The following IHO1 variants were observed in gnomAD, a reference collection of about 807,000 sequenced individuals.
IHO1 encodes interactor of HORMAD1 1.
In IHO1, 13 loss-of-function variants were observed where a neutral mutation model predicts 31.0. That is an observed-to-expected ratio of 0.42 (90% CI 0.27 to 0.67). IHO1 has a LOEUF of 0.67. Among genes scored for constraint, IHO1 ranks in the 30% least tolerant of loss-of-function variants. The pLI is 0.24. For synonymous variants in IHO1, 221 were observed against 248.4 expected, an observed-to-expected ratio of 0.89 and a Z score of 1.04; for missense variants, 599 against 687.5, an observed-to-expected ratio of 0.87 and a Z score of 1.44.
intron 2 of IHO1, chr3:49,228,214 C>T (rs1365073095): frequency 1.6e-5 from 6 of 372,314 alleles, no homozygotes; most frequent in Non-Finnish European, 2.1e-5. Flanking sequence ...GCAGGGTCAA[C>T]CAACTTGTTG....
At chr3:49,218,102 T>C (rs1303783838) in intron 2 of IHO1, among the ~76,000 whole-genome samples, 3 of 152,308 alleles carry the variant, frequency 2.0e-5, no homozygotes, top group Non-Finnish European at 2.9e-5. Flanking sequence ...CTCTCCGCCC[T>C]GCTGTCTTGG....
chr3:49,212,316 C>T (rs1465893364), intron 2 of IHO1, among the ~76,000 whole-genome samples: 1 of 149,794 alleles, frequency 6.7e-6, no homozygotes, highest in Admixed American at 6.7e-5. Flanking sequence ...TCACGACTAG[C>T]TTGGCCAACG....
chr3:49,230,750 A>G (rs896701752), intron 2 of IHO1, among the ~76,000 whole-genome samples: 12 of 152,182 alleles, frequency 7.9e-5, no homozygotes, highest in African/African-American at 2.9e-4. Context: ...TGACACTACT[A>G]TTGTGCCACA....
chr3:49,206,065 G>A (rs1349239880), intron 1 of IHO1, among the ~76,000 whole-genome samples: 2 of 152,008 alleles, frequency 1.3e-5, no homozygotes, highest in Non-Finnish European at 2.9e-5. Context: ...CTGGGTTCGC[G>A]CCATTCTCCT....
the IHO1 span, chr3:49,191,590 G>A: frequency 1.2e-6 from 1 of 802,384 alleles, no homozygotes; most frequent in Non-Finnish European, 2.2e-6. Flanking sequence ...CTCCAGGGGT[G>A]ACCTCAAGAT....
chr3:49,257,424 C>A lies in IHO1; in HGVS notation c.*142C>A. 1.3e-6 allele frequency: 1 copy of A among 780,364 alleles called. No homozygotes were observed. Among genetic ancestry groups the A allele is most frequent in the Non-Finnish European group, 2.1e-6 (1 of 476,368 alleles). 48.3% of individuals were successfully genotyped at this position (780,364 alleles called of 1,614,324 possible). On this transcript the variant is annotated 3_prime_UTR_variant, in exon 8 of 8. Transcript: ENST00000452691. Reference sequence around the variant, plus strand: ...TGAGGTGGGGCAATGAGCACGAGGGCAGGGAAGGTCCAGCATTCTGGGTAC... The same window carrying A: ...TGAGGTGGGGCAATGAGCACGAGGGAAGGGAAGGTCCAGCATTCTGGGTAC...
At chr3:49,255,555 A>T in intron 7 of IHO1, 62 bp downstream of exon 7, 2 of 929,706 alleles carry the variant, frequency 2.2e-6, no homozygotes, top group Non-Finnish European at 3.0e-6. Flanking sequence ...ACCCAGAGAG[A>T]AACTTTTTTT....
At chr3:49,228,747 C>T (rs1010392993) in intron 2 of IHO1, among the ~76,000 whole-genome samples, 4 of 152,080 alleles carry the variant, frequency 2.6e-5, no homozygotes, top group Admixed American at 6.6e-5. Flanking sequence ...ATCTTTGTGG[C>T]GAGTGTCACA....
intron 2 of IHO1, among the ~76,000 whole-genome samples, chr3:49,225,327 G>T (rs1470941109): frequency 6.6e-6 from 1 of 152,196 alleles, no homozygotes; most frequent in Non-Finnish European, 1.5e-5. Flanking sequence ...GCTGGGCATG[G>T]TGGTGGGTGC....
In IHO1 at chr3:49,256,757, C is replaced by T. The variant is rs536474953; in HGVS notation, c.1260C>T (p.Asp420=). Residue 420 remains aspartate (D), a synonymous_variant, in exon 8 of 8, where the codon GAC becomes GAT. Coordinates refer to ENST00000452691, the MANE Select transcript of IHO1 (RefSeq NM_001135197.2). This position sits in a 1 kb window ranked among gnomAD's most constrained non-coding sequence, Gnocchi z 4.6. The part of the protein sequence containing the change: ...KYQAQSMFLC[D]PREHLVIKQK... ...AAGCCCAAAGTATGTTTTTGTGTGA[C>T]CCACGTGAACATTTGGTGATTAAAC... 7 of 1,614,168 alleles carry T rather than the reference C, an allele frequency of 4.3e-6. No individual in the cohort carries two copies. The East Asian group carries it at 6.7e-5, about 15-fold the overall frequency.
chr3:49,194,326 C>T (rs1293527927), upstream of IHO1, among the ~76,000 whole-genome samples: 5 of 133,280 alleles, frequency 3.8e-5, no homozygotes, highest in South Asian at 2.3e-4. Flanking sequence ...ATATTTGAGA[C>T]GGAGGCTTGC....
intron 6 of IHO1, chr3:49,252,331 G>A (rs1161178732): frequency 6.5e-6 from 1 of 153,416 alleles, no homozygotes; most frequent in African/African-American, 2.4e-5. Flanking sequence ...ATTGCCAGTG[G>A]GGTGGCACAG....
intron 2 of IHO1, among the ~76,000 whole-genome samples, chr3:49,216,610 A>C (rs550686935): frequency 6.6e-6 from 1 of 152,316 alleles, no homozygotes; most frequent in African/African-American, 2.4e-5. Flanking sequence ...TAAAACACCA[A>C]AAGCAATGGC....
intron 6 of IHO1, among the ~76,000 whole-genome samples, chr3:49,253,450 G>C (rs1336746842): frequency 6.6e-6 from 1 of 151,988 alleles, no homozygotes; most frequent in Admixed American, 6.6e-5. Context: ...AAAGAAAAAA[G>C]AATTCAAGTC....
chr3:49,200,948 C>T (rs1225869181), intron 1 of IHO1, among the ~76,000 whole-genome samples: 6 of 151,990 alleles, frequency 3.9e-5, no homozygotes, highest in Non-Finnish European at 8.8e-5. Flanking sequence ...GTACATCAAG[C>T]CCCAGCTGGT....
At chr3:49,235,855 G>A (rs972852065) in intron 2 of IHO1, among the ~76,000 whole-genome samples, 23 of 151,684 alleles carry the variant, frequency 1.5e-4, no homozygotes, top group South Asian at 2.1e-4. Flanking sequence ...GCTTGAACCC[G>A]GGAGGTGGAG....
chr3:49,200,485 AAGAAAGAAAGAAAG>A (rs2046048362), intron 1 of IHO1: 1 of 578,722 alleles, frequency 1.7e-6, no homozygotes, highest in African/African-American at 2.6e-5. Context: ...AAAAGAAAGA[AAGAAAGAAAGAAAG>A]AAAGAAAGAA....
At chr3:49,200,656 CCATTCCTTG>C (rs2046058912) in intron 1 of IHO1, 1 of 749,220 alleles carries the variant, frequency 1.3e-6, no homozygotes, top group Non-Finnish European at 1.6e-6. Context: ...GTATATAGTT[CCATTCCTTG>C]CATGCACTCA....
At chr3:49,195,706 T>G (rs753195941), upstream of IHO1, among the ~76,000 whole-genome samples, 14 of 151,346 alleles carry the variant, frequency 9.3e-5, no homozygotes, top group Admixed American at 4.6e-4. Flanking sequence ...AGAGTGAGAC[T>G]CCATCTCAAA....
Sources: gnomAD v4.1 joint callset for allele counts (sites outside exome capture counted in the v4.1 genomes callset) on GRCh38, gnomAD v4.1.1 for gene constraint, Gnocchi (gnomAD v3.1) non-coding constraint, MANE v1.5 for transcripts, NCBI Gene and HGNC (gene_info 2026-07-23, HGNC 2026-07-21) for gene names.